LVRN: variants seen among roughly 807,000 people sequenced by gnomAD.
LVRN encodes aminopeptidase Q.
In LVRN, 99 loss-of-function variants were observed where a neutral mutation model predicts 111.4. That is an observed-to-expected ratio of 0.89 (90% CI 0.76 to 1.05). The LOEUF is 1.05. Ranked by LOEUF, LVRN falls within the 50% of genes least tolerant of loss-of-function variation. The pLI, the probability that LVRN is intolerant of heterozygous loss-of-function variation, is 0.00. For synonymous variants in LVRN, 488 were observed against 449.5 expected (o/e 1.09, Z -1.08); for missense variants, 1,414 against 1,206.8 (o/e 1.17, Z -2.54).
At chr5:116,024,761 G>A (rs1748828031) in intron 19 of LVRN, among the ~76,000 whole-genome samples, 1 of 152,076 alleles carries the variant, frequency 6.6e-6, no homozygotes, top group African/African-American at 2.4e-5. Context: ...TTGTAAAAAT[G>A]GATTTAGCAG....
At chr5:115,995,968 G>A (rs866408738) in intron 6 of LVRN, among the ~76,000 whole-genome samples, 1 of 123,836 alleles carries the variant, frequency 8.1e-6, no homozygotes, top group South Asian at 2.7e-4. Context: ...GTGTGTGTGT[G>A]TGTGTCTTTA....
At chr5:115,970,916 T>C (rs1010287036) in intron 1 of LVRN, among the ~76,000 whole-genome samples, 6 of 152,216 alleles carry the variant, frequency 3.9e-5, no homozygotes, top group African/African-American at 1.4e-4. Context: ...TATGAATATT[T>C]AGTTTTTTAA....
chr5:115,983,544 C>T (rs1747768681), intron 2 of LVRN, 115 bp downstream of exon 2: 2 of 1,210,072 alleles, frequency 1.7e-6, no homozygotes, highest in East Asian at 2.7e-5. Context: ...TTACAGTCTA[C>T]TATAATTAGG....
chr5:116,010,293 TATG>T (rs904049273), intron 13 of LVRN, among the ~76,000 whole-genome samples: 71 of 152,362 alleles, frequency 4.7e-4, no homozygotes, highest in Non-Finnish European at 3.8e-4. Context: ...CTTGCTTTAT[TATG>T]ATATTAGCTT....
intron 1 of LVRN, among the ~76,000 whole-genome samples, chr5:115,982,234 C>A (rs1395242812): frequency 6.6e-6 from 1 of 152,122 alleles, no homozygotes; most frequent in Non-Finnish European, 1.5e-5. Context: ...TCCTATGTGT[C>A]CTTCCTAAAG....
intron 6 of LVRN, among the ~76,000 whole-genome samples, chr5:115,995,760 A>G (rs1748094811): frequency 6.6e-6 from 1 of 152,216 alleles, no homozygotes. Flanking sequence ...TGCTGTTGTT[A>G]TTTCTATTTT....
At position 116,011,268 on chromosome 5, in the gene LVRN, A is replaced by C. The variant is rs2416422; in HGVS notation, c.2247+374A>C. Among the ~76,000 whole-genome samples, 1,253 of 152,004 alleles carry C rather than the reference A, an allele frequency of 8.2e-3. 16 individuals carry two copies. Among genetic ancestry groups the C allele is most frequent in the African/African-American group, 0.029 (1,198 of 41,482 alleles). On this transcript the variant is annotated intron_variant, in intron 14 of 19. Coordinates refer to ENST00000357872, the MANE Select transcript of LVRN (RefSeq NM_173800.5). ...GAGATTGTTAGGCAGCCAGAATGAA[A>C]TGTAACAACTCTGTGTTTATAATTT...
At chr5:115,974,805 G>A (rs1753404539) in intron 1 of LVRN, 1 of 286,406 alleles carries the variant, frequency 3.5e-6, no homozygotes, top group Non-Finnish European at 7.0e-6. Flanking sequence ...AAGACCTCAG[G>A]ATGTTATGTC....
At chr5:115,964,153 A>G (rs982260007) in intron 1 of LVRN, among the ~76,000 whole-genome samples, 1 of 152,230 alleles carries the variant, frequency 6.6e-6, no homozygotes, top group African/African-American at 2.4e-5. Context: ...AAATAGCTTA[A>G]GTGGGAGATA....
chr5:115,996,622 C>G (rs573337023), intron 6 of LVRN, among the ~76,000 whole-genome samples: 1 of 152,066 alleles, frequency 6.6e-6, no homozygotes, highest in East Asian at 1.9e-4. Context: ...TTTTCTATTT[C>G]GAGGTCTAAT....
At chr5:115,993,416 T>C (rs143028971) in intron 5 of LVRN, among the ~76,000 whole-genome samples, 34 of 152,366 alleles carry the variant, frequency 2.2e-4, no homozygotes, top group Non-Finnish European at 3.7e-4. Context: ...TTCTGTTTTA[T>C]GGAACTAAAA....
chr5:115,993,229 AAAAT>A (rs1748033554), intron 5 of LVRN, among the ~76,000 whole-genome samples: 1 of 144,374 alleles, frequency 6.9e-6, no homozygotes, highest in Non-Finnish European at 1.5e-5. Flanking sequence ...GTTCAAACAG[AAAAT>A]AATTAACAGC....
At chr5:115,969,704 G>A (rs1753281054) in intron 1 of LVRN, among the ~76,000 whole-genome samples, 1 of 150,584 alleles carries the variant, frequency 6.6e-6, no homozygotes, top group Admixed American at 6.6e-5. Context: ...TGAGGCTGAG[G>A]CAGAAGAATC....
chr5:115,996,341 G>T (rs955516185), intron 6 of LVRN, among the ~76,000 whole-genome samples: 1 of 152,068 alleles, frequency 6.6e-6, no homozygotes, highest in Non-Finnish European at 1.5e-5. Flanking sequence ...AGATTACAAC[G>T]TTAGTCTCTT....
intron 6 of LVRN, chr5:115,995,357 A>C (rs1748083165): frequency 1.3e-5 from 2 of 152,208 alleles, no homozygotes; most frequent in Non-Finnish European, 2.9e-5. Context: ...GCACTGATGT[A>C]GTGCACGCTT....
intron 1 of LVRN, among the ~76,000 whole-genome samples, chr5:115,973,919 CT>C (rs550853018): frequency 2.0e-4 from 31 of 152,100 alleles, no homozygotes; most frequent in African/African-American, 6.7e-4. Flanking sequence ...TGAGATTTAT[CT>C]TTTTTTGAGG....
intron 4 of LVRN, among the ~76,000 whole-genome samples, chr5:115,991,573 T>A (rs528547285): frequency 6.6e-6 from 1 of 152,300 alleles, no homozygotes; most frequent in South Asian, 2.1e-4. Context: ...GGAATGTAAT[T>A]GTCAGATCTT....
intron 1 of LVRN, among the ~76,000 whole-genome samples, chr5:115,968,473 C>G (rs1753250123): frequency 1.4e-5 from 2 of 142,960 alleles, no homozygotes; most frequent in African/African-American, 2.6e-5. Flanking sequence ...GGATCTCACT[C>G]TGTCACTGAG....
Position 116,005,918 on chromosome 5 carries a change from C to T in LVRN, c.2044C>T (p.Pro682Ser), listed in dbSNP as rs773912397. The change falls in exon 13 of 20, where the codon CCT (proline) becomes TCT (serine). Residue 682 changes from proline (P) to serine (S), a missense_variant. Coordinates refer to ENST00000357872, the MANE Select transcript of LVRN (RefSeq NM_173800.5). The stretch of plus-strand genomic sequence containing the variant: ...TTTGGGTCTAATTCTGCAGGCGATT[C>T]CTGTTATTCACAGACTGCAGTTGAT... ...QQLEKDPKAI[P>S]VIHRLQLIDD... The T allele has an allele frequency of 6.3e-7, 1 of 1,596,982 alleles. No individual in the cohort carries two copies. The highest frequency in any genetic ancestry group is 8.6e-7 in the Non-Finnish European group (1 of 1,164,588).
Sources: gnomAD v4.1 joint callset for allele counts (sites outside exome capture counted in the v4.1 genomes callset) on GRCh38, gnomAD v4.1.1 for gene constraint, MANE v1.5 for transcripts, NCBI Gene and HGNC (gene_info 2026-07-23, HGNC 2026-07-21) for gene names.